The following COIL variants were observed in gnomAD, a reference collection of about 807,000 sequenced individuals.
COIL encodes the protein coilin p80.
COIL carries 28 observed loss-of-function variants against 51.6 expected under a neutral mutation model. The ratio of observed to expected loss-of-function variants is 0.54; its 90% CI spans 0.40 to 0.74. The LOEUF (loss-of-function observed/expected upper bound fraction) is 0.74, where lower values mean the gene tolerates loss of function less well. Ranked by LOEUF, COIL falls within the 30% of genes least tolerant of loss-of-function variation. The pLI, the probability that COIL is intolerant of heterozygous loss-of-function variation, is 0.00. For synonymous variants in COIL, 233 were observed against 255.8 expected, an observed-to-expected ratio of 0.91 and a Z score of 0.85; for missense variants, 667 against 685.9, an observed-to-expected ratio of 0.97 and a Z score of 0.31.
chr17:56,946,605 T>G, intron 4 of COIL, 94 bp from the exon 5 acceptor site: 1 of 764,294 alleles, frequency 1.3e-6, no homozygotes, highest in South Asian at 1.9e-5. Context: ...ATGGTTAAAA[T>G]GTTGAATTTT....
At chr17:56,941,477 T>C (rs773331250) in intron 6 of COIL, among the ~76,000 whole-genome samples, 1 of 152,150 alleles carries the variant, frequency 6.6e-6, no homozygotes, top group African/African-American at 2.4e-5. Context: ...GGCTGAGGCA[T>C]GAGAATCGCT....
chr17:56,955,644 C>T (rs1910469209), intron 1 of COIL, among the ~76,000 whole-genome samples: 1 of 152,256 alleles, frequency 6.6e-6, no homozygotes, highest in East Asian at 1.9e-4. Context: ...TTACAGTACT[C>T]AGTGACTTAT....
At chr17:56,939,611 A>G in intron 6 of COIL, among the ~76,000 whole-genome samples, 1 of 152,060 alleles carries the variant, frequency 6.6e-6, no homozygotes, top group East Asian at 1.9e-4. Flanking sequence ...ATGGTGACGC[A>G]TGCCTGTAGT....
chr17:56,941,670 G>A (rs184916055), intron 6 of COIL, among the ~76,000 whole-genome samples: 3 of 152,296 alleles, frequency 2.0e-5, no homozygotes, highest in African/African-American at 7.2e-5. Flanking sequence ...TCTATTTCCT[G>A]ATCTGGGTCT....
Position 56,960,756 on chromosome 17 carries a change from C to G in COIL, c.245+19G>C, listed in dbSNP as rs766709937. The G allele has an allele frequency of 2.0e-6, 3 of 1,533,768 alleles. No individual in the cohort carries two copies. Among genetic ancestry groups the G allele is most frequent in the South Asian group, 1.2e-5 (1 of 83,506 alleles). Reference sequence around the variant, plus strand: ...CCGCCCGCCGCCCACCCGGCCGTCCCGCTCCCTGCGCCGCGCACCTGAGGC... The same window carrying G: ...CCGCCCGCCGCCCACCCGGCCGTCCGGCTCCCTGCGCCGCGCACCTGAGGC... On this transcript the variant is annotated intron_variant, in intron 1 of 6. Coordinates refer to ENST00000240316, the MANE Select transcript of COIL (RefSeq NM_004645.3).
In COIL at chr17:56,949,781, T is replaced by A; in HGVS notation, c.1354-14A>T. 1 of 1,612,762 alleles carries A rather than the reference T, an allele frequency of 6.2e-7. No homozygotes were observed. The highest frequency in any genetic ancestry group is 8.5e-7 in the Non-Finnish European group (1 of 1,178,720). On this transcript the variant is annotated splice_polypyrimidine_tract_variant and intron_variant, in intron 2 of 6. Coordinates refer to ENST00000240316, the MANE Select transcript of COIL (RefSeq NM_004645.3). ...CTCTACTGGATTCTGAAAAACAGTGTTAGTCATGTGACATCATCACTGGTG... is the reference window on the plus strand; with the variant it reads ...CTCTACTGGATTCTGAAAAACAGTGATAGTCATGTGACATCATCACTGGTG...
chr17:56,953,155 T>C (rs1328384599), intron 1 of COIL, among the ~76,000 whole-genome samples: 1 of 151,906 alleles, frequency 6.6e-6, no homozygotes, highest in Non-Finnish European at 1.5e-5. Flanking sequence ...CTCACGCCTG[T>C]AATCCCAGCA....
chr17:56,950,037 A>G lies in COIL; in HGVS notation c.1205T>C (p.Phe402Ser), dbSNP rs780327459. The change falls in exon 2 of 7, where the codon TTT becomes TCT. Residue 402 changes from phenylalanine to serine, a missense_variant. Physicochemically the swap from Phe to Ser is radical, Grantham distance 155. Transcript: ENST00000240316. ...GRGWGREENLFSWKGAKGRGM... is the reference protein window; with the variant it reads ...GRGWGREENLSSWKGAKGRGM... Reference sequence around the variant, plus strand: ...CCGTCCCTTAGCTCCCTTCCAAGAAAAAAGGTTCTCTTCTCTACCCCATCC... The same window carrying G: ...CCGTCCCTTAGCTCCCTTCCAAGAAGAAAGGTTCTCTTCTCTACCCCATCC... 36 of 1,614,016 alleles carry G rather than the reference A, an allele frequency of 2.2e-5. No homozygotes were observed. In the South Asian group the frequency reaches 3.5e-4, roughly 16 times the overall value.
chr17:56,945,079 C>T lies in COIL; in HGVS notation c.1558+1363G>A, dbSNP rs1910221384. 2.0e-5 allele frequency among the ~76,000 whole-genome samples: 3 copies of T among 152,134 alleles called. No homozygotes were observed. The South Asian group carries it at 6.2e-4, about 31-fold the overall frequency. On this transcript the variant is annotated intron_variant, in intron 5 of 6. Coordinates refer to ENST00000240316, the MANE Select transcript of COIL (RefSeq NM_004645.3). ...ACAGGCTGGGCACAGTGGCTCACAC[C>T]TGTAGTCTCAGCACTTTGGGAGGCC...
At position 56,960,813 on chromosome 17, in the gene COIL, G is replaced by A. The variant is rs1161774119; in HGVS notation, c.207C>T (p.Ala69=). The A allele has an allele frequency of 6.3e-7, 1 of 1,582,224 alleles. No individual in the cohort carries two copies. Among genetic ancestry groups the A allele is most frequent in the East Asian group, 2.4e-5 (1 of 42,486 alleles). The stretch of plus-strand genomic sequence containing the variant: ...TGTCTCTCACAAGGCGCGCGCTCTC[G>A]GCGGGGGGCAAGAGCCCCCCCTCCA... The part of the protein sequence containing the change: ...LYLEGGLLPP[A]ESARLVRDND... Residue 69 remains alanine (A), a synonymous_variant, in exon 1 of 7, where the codon GCC becomes GCT. Coordinates refer to ENST00000240316, the MANE Select transcript of COIL (RefSeq NM_004645.3).
chr17:56,959,622 G>A (rs1567855606), intron 1 of COIL, among the ~76,000 whole-genome samples: 1 of 152,154 alleles, frequency 6.6e-6, no homozygotes, highest in Non-Finnish European at 1.5e-5. Context: ...TACGCCACCA[G>A]AAGTCTCAGG....
chr17:56,948,370 ATC>A (rs529480879), intron 4 of COIL, among the ~76,000 whole-genome samples: 87 of 151,488 alleles, frequency 5.7e-4, no homozygotes, highest in Non-Finnish European at 9.6e-4. Flanking sequence ...CAATCTCCTG[ATC>A]TCGTGATCCA....
chr17:56,947,713 C>T (rs1440052763), intron 4 of COIL, among the ~76,000 whole-genome samples: 1 of 152,162 alleles, frequency 6.6e-6, no homozygotes, highest in East Asian at 1.9e-4. Flanking sequence ...TCAAGTGATT[C>T]ACCTACCTTG....
chr17:56,955,396 C>T (rs1305849596), intron 1 of COIL, among the ~76,000 whole-genome samples: 1 of 152,180 alleles, frequency 6.6e-6, no homozygotes, highest in African/African-American at 2.4e-5. Context: ...CTTTGCAAGG[C>T]AAACTGAGTG....
intron 1 of COIL, among the ~76,000 whole-genome samples, chr17:56,958,248 T>C (rs1260076043): frequency 6.6e-6 from 1 of 152,252 alleles, no homozygotes; most frequent in Non-Finnish European, 1.5e-5. Context: ...TTCAGTCTAA[T>C]TGTCTGTATC....
chr17:56,950,087 C>T lies in COIL; in HGVS notation c.1155G>A (p.Val385=). Residue 385 remains valine, a synonymous_variant, in exon 2 of 7, where the codon GTG becomes GTA. Transcript: ENST00000240316. ...GGQAPGASPS[V]SLPASLGRGW... ...CTCTTCCTAAACTAGCAGGGAGAGA[C>T]ACACTGGGAGAAGCACCAGGAGCCT... The T allele has an allele frequency of 3.1e-6, 5 of 1,614,094 alleles. No individual in the cohort carries two copies. The highest frequency in any genetic ancestry group is 1.3e-5 in the African/African-American group (1 of 75,036).
chr17:56,960,701 T>A (rs9899845), intron 1 of COIL, 74 bp downstream of exon 1: 2 of 1,073,592 alleles, frequency 1.9e-6, no homozygotes, highest in African/African-American at 3.5e-5. Flanking sequence ...GTCTAGCGGC[T>A]TCAGGCCCGG....
Position 56,949,704 on chromosome 17 carries a change from C to T in COIL, c.1417G>A (p.Val473Ile), listed in dbSNP as rs781350222. 11 of 1,614,110 alleles carry T rather than the reference C, an allele frequency of 6.8e-6. No homozygotes were observed. Among genetic ancestry groups the T allele is most frequent in the Admixed American group, 1.7e-5 (1 of 60,036 alleles). The change falls in exon 3 of 7, where the codon GTT (valine) becomes ATT (isoleucine). Residue 473 changes from valine to isoleucine, a missense_variant. Physicochemically the swap from Val to Ile is conservative, Grantham distance 29. Coordinates refer to ENST00000240316, the MANE Select transcript of COIL (RefSeq NM_004645.3). ...LLPLLAAAPQ[V>I]GEKIAFKLLE... is the part of the protein sequence containing the mutation. ...ACCTTAAATGCAATCTTTTCTCCAA[C>T]TTGAGGGGCAGCTGCTAACAGTGGT...
chr17:56,954,288 G>A (rs556783134), intron 1 of COIL, among the ~76,000 whole-genome samples: 33 of 152,176 alleles, frequency 2.2e-4, no homozygotes, highest in Non-Finnish European at 4.3e-4. Flanking sequence ...GGCCGGGCGC[G>A]GTGGCTCATG....
Sources: allele counts gnomAD v4.1 joint callset (sites outside exome capture counted in the v4.1 genomes callset), GRCh38; gene constraint gnomAD v4.1.1; transcripts MANE v1.5; gene names NCBI Gene and HGNC (gene_info 2026-07-23, HGNC 2026-07-21).